SOX6: variants seen among roughly 807,000 people sequenced by gnomAD.
SOX6 encodes the protein transcription factor SOX-6.
SOX6 carries 11 observed loss-of-function variants against 97.8 expected under a neutral mutation model. The observed-to-expected ratio is 0.11, with a 90% CI of 0.07 to 0.19. The LOEUF is 0.19. Among genes scored for constraint, SOX6 ranks in the 10% least tolerant of loss-of-function variants. The pLI, the probability that SOX6 is intolerant of heterozygous loss-of-function variation, is 1.00. For synonymous variants in SOX6, 360 were observed against 371.4 expected (o/e 0.97, Z 0.35); for missense variants, 810 against 1,039.5 (o/e 0.78, Z 3.04).
chr11:16,052,702 T>C (rs1847715746), intron 10 of SOX6, among the ~76,000 whole-genome samples: 1 of 152,198 alleles, frequency 6.6e-6, no homozygotes, highest in South Asian at 2.1e-4. Flanking sequence ...TCTGTATTTC[T>C]TTAAATATTT....
At chr11:16,559,477 T>C (rs891892745) in intron 4 of SOX6, among the ~76,000 whole-genome samples, 2 of 152,082 alleles carry the variant, frequency 1.3e-5, no homozygotes. Context: ...CCAGTGACCT[T>C]TGATTGGAAC....
At chr11:16,361,707 C>T (rs1459806498) in intron 1 of SOX6, among the ~76,000 whole-genome samples, 1 of 152,182 alleles carries the variant, frequency 6.6e-6, no homozygotes, top group East Asian at 1.9e-4. Flanking sequence ...CACACAACAG[C>T]TGTTTAGGGT....
intron 12 of SOX6, among the ~76,000 whole-genome samples, chr11:16,017,610 G>A (rs1226903143): frequency 6.6e-6 from 1 of 152,092 alleles, no homozygotes; most frequent in Non-Finnish European, 1.5e-5. Flanking sequence ...TTACGTCTGG[G>A]CAGCTGAGCT....
At position 16,683,528 on chromosome 11, in the gene SOX6, C is replaced by T. The variant is rs546809781; in HGVS notation, n.429+31302G>A. 2.6e-5 allele frequency among the ~76,000 whole-genome samples: 4 copies of T among 152,256 alleles called. No homozygotes were observed. In the South Asian group the frequency reaches 8.3e-4, roughly 32 times the overall value. On this transcript the variant is annotated intron_variant and non_coding_transcript_variant, in intron 3 of 5. Coordinates refer to the SOX6 transcript ENST00000524520. ...AAATGGTGCTGGGAAAATTGGCTAACCATATGTAGAAAGCTGAAACTGGAT... is the reference window on the plus strand; with the variant it reads ...AAATGGTGCTGGGAAAATTGGCTAATCATATGTAGAAAGCTGAAACTGGAT...
intron 1 of SOX6, among the ~76,000 whole-genome samples, chr11:16,381,171 T>G (rs1249050983): frequency 6.6e-6 from 1 of 151,720 alleles, no homozygotes; most frequent in Non-Finnish European, 1.5e-5. Context: ...AAAAAGAATT[T>G]TAGAAAGAAA....
intron 3 of SOX6, among the ~76,000 whole-genome samples, chr11:16,651,575 C>T (rs535278601): frequency 2.0e-5 from 3 of 152,008 alleles, no homozygotes; most frequent in South Asian, 4.1e-4. Context: ...ATCCAGCATC[C>T]CTTTATGATT....
At chr11:16,667,545 G>GAA (rs35883383) in intron 3 of SOX6, among the ~76,000 whole-genome samples, 138 of 138,062 alleles carry the variant, frequency 1.0e-3, no homozygotes, top group African/African-American at 3.6e-3. Context: ...AGTGCTGAAG[G>GAA]AAAAAAAAAA....
intron 6 of SOX6, among the ~76,000 whole-genome samples, chr11:16,142,996 G>A (rs1850186548): frequency 6.6e-6 from 1 of 152,134 alleles, no homozygotes; most frequent in South Asian, 2.1e-4. Context: ...AGGAAATACA[G>A]AGAACACCAC....
intron 4 of SOX6, among the ~76,000 whole-genome samples, chr11:16,225,288 C>T (rs2134162957): frequency 6.6e-6 from 1 of 151,964 alleles, no homozygotes; most frequent in African/African-American, 2.4e-5. Flanking sequence ...GATGATTAAT[C>T]TCTAAGCATT....
At chr11:16,209,634 C>T (rs537645350) in intron 4 of SOX6, among the ~76,000 whole-genome samples, 1 of 152,128 alleles carries the variant, frequency 6.6e-6, no homozygotes, top group South Asian at 2.1e-4. Context: ...GAGTGCCTGT[C>T]CCCAGCTACT....
intron 4 of SOX6, among the ~76,000 whole-genome samples, chr11:16,560,454 T>C (rs1282094077): frequency 1.1e-4 from 16 of 149,712 alleles, no homozygotes; most frequent in Admixed American, 4.7e-4. Context: ...TGTTTATACG[T>C]ACATATATGT....
At chr11:16,691,110 C>G (rs1244696026) in intron 3 of SOX6, among the ~76,000 whole-genome samples, 1 of 152,168 alleles carries the variant, frequency 6.6e-6, no homozygotes, top group African/African-American at 2.4e-5. Context: ...GAGGATCATT[C>G]CTGTTTTCAT....
chr11:16,190,450 C>A (rs1354472203), intron 4 of SOX6, among the ~76,000 whole-genome samples: 1 of 152,056 alleles, frequency 6.6e-6, no homozygotes, highest in Non-Finnish European at 1.5e-5. Context: ...AATAAAACAA[C>A]ACAATATAAC....
intron 6 of SOX6, among the ~76,000 whole-genome samples, chr11:16,118,067 G>A (rs1014169979): frequency 3.3e-5 from 5 of 152,104 alleles, no homozygotes; most frequent in Admixed American, 2.0e-4. Context: ...CTAGCACAAA[G>A]AGCAAAACTA....
Position 16,105,053 on chromosome 11 carries a change from A to T in SOX6, c.898+6750T>A, listed in dbSNP as rs556659771. Among the ~76,000 whole-genome samples the T allele has an allele frequency of 1.4e-3, 211 of 152,214 alleles. 1 individual carries two copies. The highest frequency in any genetic ancestry group is 4.7e-3 in the African/African-American group (197 of 41,572). On this transcript the variant is annotated intron_variant, in intron 7 of 15. Transcript: ENST00000683767. ...TTCTAATTCATTTTATAAGGCTAAC[A>T]TTATCTTGATACCAAAACCAGATAA... is the stretch of plus-strand genomic sequence containing the variant.
intron 3 of SOX6, among the ~76,000 whole-genome samples, chr11:16,675,631 TAGGTA>T (rs1182532404): frequency 6.6e-6 from 1 of 152,218 alleles, no homozygotes; most frequent in Non-Finnish European, 1.5e-5. Context: ...TCATTTTTTG[TAGGTA>T]AGGTCTACTA....
intron 9 of SOX6, among the ~76,000 whole-genome samples, chr11:16,081,257 A>G (rs1590183745): frequency 6.6e-6 from 1 of 152,210 alleles, no homozygotes; most frequent in South Asian, 2.1e-4. Context: ...CAGAGCTAAG[A>G]TGTTCACACT....
chr11:16,639,814 G>A (rs953327040), intron 3 of SOX6, among the ~76,000 whole-genome samples: 13 of 152,264 alleles, frequency 8.5e-5, no homozygotes, highest in African/African-American at 3.1e-4. Flanking sequence ...TTTGGGCTGA[G>A]ACGATAGGGT....
intron 15 of SOX6, among the ~76,000 whole-genome samples, chr11:15,974,429 G>T: frequency 2.9e-5 from 3 of 104,124 alleles, no homozygotes; most frequent in Non-Finnish European, 1.8e-5. Flanking sequence ...TAGGGTACAT[G>T]TGCACATTGT....
Sources: allele counts gnomAD v4.1 joint callset (sites outside exome capture counted in the v4.1 genomes callset), GRCh38; gene constraint gnomAD v4.1.1; transcripts MANE v1.5; gene names NCBI Gene and HGNC (gene_info 2026-07-23, HGNC 2026-07-21).